Variants in KCNU1 observed in about 807,000 individuals in gnomAD.
The protein encoded by KCNU1 is potassium calcium-activated channel subfamily U member 1.
In KCNU1, 93 loss-of-function variants were observed where a neutral mutation model predicts 126.8. The ratio of observed to expected loss-of-function variants is 0.73; its 90% CI spans 0.62 to 0.87. The LOEUF is 0.87. KCNU1 is among the 40% of genes least tolerant of loss of function. The pLI is 0.00. For synonymous variants in KCNU1, 523 were observed against 494.2 expected (o/e 1.06, Z -0.77); for missense variants, 1,330 against 1,367.1 (o/e 0.97, Z 0.43).
rs1379741029 is a variant in KCNU1, at chr8:36,805,831, C to T, written c.469-438C>T. Among the ~76,000 whole-genome samples, 3 of 152,060 alleles carry T rather than the reference C, an allele frequency of 2.0e-5. No individual in the cohort carries two copies. The East Asian group carries it at 5.8e-4, about 29-fold the overall frequency. On this transcript the variant is annotated intron_variant, in intron 4 of 26. Transcript: ENST00000399881. ...ACACATATATGTATGTATATATAGG[C>T]ATGCTATATATAAAAACATCTTATT...
chr8:36,881,159 C>T (rs1563312518), intron 19 of KCNU1, among the ~76,000 whole-genome samples: 1 of 152,144 alleles, frequency 6.6e-6, no homozygotes, highest in Non-Finnish European at 1.5e-5. Flanking sequence ...TTTCGGGAGC[C>T]CTTCTACAAA....
At chr8:36,900,516 A>G (rs529163636) in intron 19 of KCNU1, among the ~76,000 whole-genome samples, 6 of 152,208 alleles carry the variant, frequency 3.9e-5, no homozygotes, top group Non-Finnish European at 7.4e-5. Context: ...GTATGTGAGT[A>G]GGATCAGGTG....
intron 24 of KCNU1, 70 bp downstream of exon 24, chr8:36,922,699 G>A: frequency 6.8e-7 from 1 of 1,480,802 alleles, no homozygotes. Flanking sequence ...GTAGTATAAG[G>A]CTGAGTAGAT....
intron 18 of KCNU1, among the ~76,000 whole-genome samples, chr8:36,851,552 G>A (rs183127851): frequency 7.2e-5 from 11 of 152,222 alleles, no homozygotes; most frequent in Admixed American, 2.0e-4. Context: ...GTCTCAGGCA[G>A]TTCTTTATAG....
At chr8:36,889,039 C>A (rs1234964970) in intron 19 of KCNU1, 2 of 477,412 alleles carry the variant, frequency 4.2e-6, no homozygotes, top group Non-Finnish European at 8.6e-6. Flanking sequence ...CCACCATGCC[C>A]AGCTAATTAT....
chr8:36,849,316 C>T (rs950853564), intron 18 of KCNU1, among the ~76,000 whole-genome samples: 22 of 152,202 alleles, frequency 1.4e-4, no homozygotes, highest in Non-Finnish European at 1.5e-5. Flanking sequence ...CAGCTAGGCA[C>T]AGTGGCTCAT....
intron 2 of KCNU1, among the ~76,000 whole-genome samples, chr8:36,798,708 T>A (rs774234593): frequency 3.5e-4 from 53 of 152,342 alleles, no homozygotes; most frequent in Non-Finnish European, 5.7e-4. Context: ...AGAAAATGTT[T>A]AAATTTACCT....
intron 19 of KCNU1, among the ~76,000 whole-genome samples, chr8:36,869,483 T>C (rs1806026389): frequency 6.6e-6 from 1 of 152,162 alleles, no homozygotes; most frequent in South Asian, 2.1e-4. Flanking sequence ...CTCTTTATGT[T>C]CTTTTACAGA....
chr8:36,821,708 GC>G (rs1289043215), intron 10 of KCNU1, among the ~76,000 whole-genome samples: 1 of 152,108 alleles, frequency 6.6e-6, no homozygotes, highest in Non-Finnish European at 1.5e-5. Flanking sequence ...GGTTTATGAT[GC>G]TTTGACTTAA....
Position 36,815,664 on chromosome 8 carries a change from C to T in KCNU1, c.972C>T (p.Ser324=). The change falls in exon 9 of 27, where the codon TCC becomes TCT. Residue 324 remains serine (S), a synonymous_variant. Coordinates refer to ENST00000399881, the MANE Select transcript of KCNU1 (RefSeq NM_001031836.3). ...CTAACAAGAGGAAATACACCAGTTC[C>T]TATGAAGCACTCAAAGGAAAGAAGT... ...LFANKRKYTS[S]YEALKGKKFI... is the part of the protein sequence containing the mutation. The T allele has an allele frequency of 6.3e-7, 1 of 1,584,310 alleles. No individual in the cohort carries two copies. Among genetic ancestry groups the T allele is most frequent in the East Asian group, 2.3e-5 (1 of 44,216 alleles).
chr8:36,889,267 T>A, intron 19 of KCNU1: 1 of 531,216 alleles, frequency 1.9e-6, no homozygotes, highest in South Asian at 1.4e-5. Flanking sequence ...TATGACCCCA[T>A]ATATGATTTT....
intron 10 of KCNU1, among the ~76,000 whole-genome samples, chr8:36,824,528 G>A (rs142507620): frequency 1.3e-5 from 2 of 152,204 alleles, no homozygotes; most frequent in Non-Finnish European, 2.9e-5. Flanking sequence ...GTGGTTTCAG[G>A]CATCCCCTGG....
At chr8:36,914,984 A>G (rs574103837) in intron 22 of KCNU1, among the ~76,000 whole-genome samples, 13 of 152,328 alleles carry the variant, frequency 8.5e-5, no homozygotes, top group African/African-American at 3.1e-4. Context: ...CATTCAAATT[A>G]ACCATTGCTC....
chr8:36,804,628 A>G (rs1414694015), intron 3 of KCNU1, among the ~76,000 whole-genome samples: 1 of 152,164 alleles, frequency 6.6e-6, no homozygotes, highest in African/African-American at 2.4e-5. Flanking sequence ...GCCCAATCTA[A>G]TCTGAATTCC....
At position 36,836,878 on chromosome 8, in the gene KCNU1, C is replaced by T; in HGVS notation, c.1451C>T (p.Ala484Val). Residue 484 changes from alanine to valine, a missense_variant, in exon 14 of 27, where the codon GCC (alanine) becomes GTC (valine). This residue lies in a region of KCNU1 where 1,054 missense variants were observed against 1,053.9 expected (regional missense o/e 1.00). Coordinates refer to ENST00000399881, the MANE Select transcript of KCNU1 (RefSeq NM_001031836.3). The part of the protein sequence containing the change: ...CFAELKLGFI[A>V]QGCLVPGLCT... The stretch of plus-strand genomic sequence containing the variant: ...GCTGAATTAAAACTTGGATTTATCG[C>T]CCAAGGCTGTTTGGTGCCAGGCTTG... 1 of 1,613,800 alleles carries T rather than the reference C, an allele frequency of 6.2e-7. No individual in the cohort carries two copies. The highest frequency in any genetic ancestry group is 8.5e-7 in the Non-Finnish European group (1 of 1,179,776).
In KCNU1 at chr8:36,812,518, T is replaced by C. The variant is rs1457103078; in HGVS notation, c.733-1689T>C. On this transcript the variant is annotated intron_variant, in intron 7 of 26. Coordinates refer to ENST00000399881, the MANE Select transcript of KCNU1 (RefSeq NM_001031836.3). ...GTAATATAGCTAATATAAATGTTGA[T>C]GGACAGGTAAGGGGAGAAGATAGAG... 2.6e-5 allele frequency among the ~76,000 whole-genome samples: 4 copies of C among 152,320 alleles called. No individual in the cohort carries two copies. The East Asian group carries it at 7.7e-4, about 29-fold the overall frequency.
chr8:36,863,415 G>T (rs189058971), intron 18 of KCNU1, among the ~76,000 whole-genome samples: 27 of 152,272 alleles, frequency 1.8e-4, no homozygotes, highest in South Asian at 6.2e-4. Context: ...TATCAGTGAT[G>T]ACTGCCCCTT....
rs182389814 is a variant in KCNU1 at position 36,793,391 on chromosome 8, A to T, written c.315+5966A>T. Among the ~76,000 whole-genome samples, 231 of 151,890 alleles carry T rather than the reference A, an allele frequency of 1.5e-3. 1 individual carries two copies. Among genetic ancestry groups the T allele is most frequent in the Non-Finnish European group, 2.9e-3 (198 of 67,910 alleles). ...AATAAAATAAAAATAAATAAATAAA[A>T]AGAAAAATCCATCTCATGGATGAAT... is the stretch of plus-strand genomic sequence containing the variant. On this transcript the variant is annotated intron_variant, in intron 2 of 26. Transcript: ENST00000399881.
chr8:36,862,000 G>C (rs1197986856), intron 18 of KCNU1, among the ~76,000 whole-genome samples: 1 of 151,990 alleles, frequency 6.6e-6, no homozygotes, highest in Non-Finnish European at 1.5e-5. Context: ...TTGTTTGTTT[G>C]TTTGTTTGTT....
Sources: gnomAD v4.1 joint callset for allele counts (sites outside exome capture counted in the v4.1 genomes callset) on GRCh38, gnomAD v4.1.1 for gene constraint, gnomAD v4.1.1 regional missense constraint, MANE v1.5 for transcripts, NCBI Gene and HGNC (gene_info 2026-07-23, HGNC 2026-07-21) for gene names.